Variants in CLSTN2 observed in about 807,000 individuals in gnomAD.
The protein encoded by CLSTN2 is calsyntenin-2.
CLSTN2 carries 48 observed loss-of-function variants against 101.2 expected under a neutral mutation model. That is an observed-to-expected ratio of 0.47 (90% CI 0.38 to 0.60). CLSTN2 has a LOEUF of 0.60. Among genes scored for constraint, CLSTN2 ranks in the 20% least tolerant of loss-of-function variants. The probability of loss-of-function intolerance (pLI) is 0.00; values close to 1 mark genes in which losing one functional copy is unlikely to be tolerated. For missense variants in CLSTN2, 1,160 were observed against 1,238.2 expected (o/e 0.94, Z 0.95); for synonymous variants, 481 against 463.6 (o/e 1.04, Z -0.48).
intron 5 of CLSTN2, among the ~76,000 whole-genome samples, chr3:140,428,992 T>C (rs117927132): frequency 6.0e-3 from 919 of 152,186 alleles, no homozygotes; most frequent in South Asian, 0.025. Context: ...TCCATCAACT[T>C]CACTTTGACT....
At chr3:140,370,037 G>A (rs1213225940) in intron 2 of CLSTN2, among the ~76,000 whole-genome samples, 2 of 152,252 alleles carry the variant, frequency 1.3e-5, no homozygotes, top group African/African-American at 4.8e-5. Flanking sequence ...TTCAGGGCAA[G>A]TTAACTTTCA....
rs753719175 is a variant in CLSTN2, at chr3:140,546,627, C to T, written c.1620C>T (p.Ala540=). The part of the protein sequence containing the change: ...ESQKVISCLQ[A]CKEGLDINSL... ...AGAAGGTGATCTCCTGCCTGCAGGCCTGCAAGGAAGGGCTGGACATTAATT... is the reference window on the plus strand; with the variant it reads ...AGAAGGTGATCTCCTGCCTGCAGGCTTGCAAGGAAGGGCTGGACATTAATT... The change falls in exon 10 of 17, where the codon GCC becomes GCT. Residue 540 remains alanine (A), a synonymous_variant. Coordinates refer to ENST00000458420, the MANE Select transcript of CLSTN2 (RefSeq NM_022131.3). 8.1e-6 allele frequency: 13 copies of T among 1,613,900 alleles called. No homozygotes were observed. Among genetic ancestry groups the T allele is most frequent in the Non-Finnish European group, 1.1e-5 (13 of 1,180,000 alleles).
At chr3:140,555,981 GA>G (rs1178208742) in intron 10 of CLSTN2, among the ~76,000 whole-genome samples, 1 of 152,192 alleles carries the variant, frequency 6.6e-6, no homozygotes, top group African/African-American at 2.4e-5. Flanking sequence ...TTTAGCACTT[GA>G]AAAGGAAGAC....
intron 4 of CLSTN2, among the ~76,000 whole-genome samples, chr3:140,408,509 C>T (rs1178350865): frequency 1.3e-5 from 2 of 152,232 alleles, no homozygotes; most frequent in African/African-American, 4.8e-5. Flanking sequence ...CTGGCTTTCA[C>T]TGCCAAGGAG....
At chr3:140,062,218 G>A (rs991084014) in intron 1 of CLSTN2, among the ~76,000 whole-genome samples, 2 of 152,104 alleles carry the variant, frequency 1.3e-5, no homozygotes, top group Non-Finnish European at 2.9e-5. Flanking sequence ...CCCTAAACAT[G>A]TGAACATCCT....
chr3:140,293,758 G>A (rs2086976389), intron 2 of CLSTN2, among the ~76,000 whole-genome samples: 3 of 152,114 alleles, frequency 2.0e-5, no homozygotes, highest in Admixed American at 6.5e-5. Flanking sequence ...TTGATTCTGG[G>A]CTTGTTGGGT....
At chr3:140,044,170 G>A (rs1296529889) in intron 1 of CLSTN2, among the ~76,000 whole-genome samples, 1 of 152,198 alleles carries the variant, frequency 6.6e-6, no homozygotes, top group African/African-American at 2.4e-5. Flanking sequence ...AGCATGGAAT[G>A]TTCTTCCATT....
At chr3:140,270,312 C>T (rs1489405011) in intron 2 of CLSTN2, among the ~76,000 whole-genome samples, 1 of 152,172 alleles carries the variant, frequency 6.6e-6, no homozygotes, top group Non-Finnish European at 1.5e-5. Flanking sequence ...CCCATATGCA[C>T]CTGGCCCCAG....
At chr3:140,492,569 C>T (rs1237504164) in intron 8 of CLSTN2, among the ~76,000 whole-genome samples, 5 of 152,308 alleles carry the variant, frequency 3.3e-5, no homozygotes, top group East Asian at 3.9e-4. Flanking sequence ...TGTCCCTTAA[C>T]CTCTCAGGAA....
chr3:140,183,122 C>T (rs1472687830), intron 2 of CLSTN2, among the ~76,000 whole-genome samples: 3 of 152,178 alleles, frequency 2.0e-5, no homozygotes, highest in Non-Finnish European at 4.4e-5. Flanking sequence ...AGGCCTGTCA[C>T]ACCCATGCAC....
At chr3:140,346,445 C>T (rs1352968058) in intron 2 of CLSTN2, among the ~76,000 whole-genome samples, 2 of 152,154 alleles carry the variant, frequency 1.3e-5, no homozygotes, top group African/African-American at 2.4e-5. Flanking sequence ...CAACCCACTC[C>T]GTGTAACTAT....
intron 1 of CLSTN2, among the ~76,000 whole-genome samples, chr3:140,048,940 C>A (rs2007935407): frequency 6.6e-6 from 1 of 152,208 alleles, no homozygotes; most frequent in Non-Finnish European, 1.5e-5. Context: ...TCCATTCCCT[C>A]CCGATTTGAC....
At chr3:140,096,042 G>A (rs1487169874) in intron 1 of CLSTN2, among the ~76,000 whole-genome samples, 3 of 152,194 alleles carry the variant, frequency 2.0e-5, no homozygotes, top group Non-Finnish European at 4.4e-5. Context: ...GATTTACTCA[G>A]CTTCTTGGAA....
At chr3:140,229,317 G>A (rs947782468) in intron 2 of CLSTN2, among the ~76,000 whole-genome samples, 1 of 152,138 alleles carries the variant, frequency 6.6e-6, no homozygotes, top group Admixed American at 6.5e-5. Context: ...TCTCAACACT[G>A]TTTATACCAA....
At chr3:140,364,645 G>C (rs1384836854) in intron 2 of CLSTN2, among the ~76,000 whole-genome samples, 1 of 152,180 alleles carries the variant, frequency 6.6e-6, no homozygotes, top group African/African-American at 2.4e-5. Flanking sequence ...CTAGTCCCTG[G>C]GGTCTGGGAA....
intron 2 of CLSTN2, among the ~76,000 whole-genome samples, chr3:140,400,477 T>A (rs1259614385): frequency 6.6e-6 from 1 of 152,108 alleles, no homozygotes; most frequent in Non-Finnish European, 1.5e-5. Context: ...GACAGGAGAA[T>A]GGCTTGAGGT....
At chr3:139,993,090 T>TTG (rs570513043) in intron 1 of CLSTN2, among the ~76,000 whole-genome samples, 22 of 152,176 alleles carry the variant, frequency 1.4e-4, no homozygotes, top group Non-Finnish European at 2.6e-4. Context: ...TCAATTTCTG[T>TTG]TGTGTGTGTG....
chr3:140,553,754 C>A (rs1382508253), intron 10 of CLSTN2, among the ~76,000 whole-genome samples: 1 of 152,184 alleles, frequency 6.6e-6, no homozygotes, highest in Non-Finnish European at 1.5e-5. Context: ...CCACACCTCC[C>A]TTCCTCTCCT....
intron 8 of CLSTN2, among the ~76,000 whole-genome samples, chr3:140,529,481 C>T (rs1041737672): frequency 5.9e-5 from 9 of 152,306 alleles, no homozygotes; most frequent in Admixed American, 5.2e-4. Context: ...GGTCACTTTG[C>T]TGAATTTTCT....
Sources: gnomAD v4.1 joint callset for allele counts (sites outside exome capture counted in the v4.1 genomes callset) on GRCh38, gnomAD v4.1.1 for gene constraint, MANE v1.5 for transcripts, NCBI Gene and HGNC (gene_info 2026-07-23, HGNC 2026-07-21) for gene names.